The following FAM81B variants were observed in gnomAD, a reference collection of about 807,000 sequenced individuals.
FAM81B encodes family with sequence similarity 81 member B, also known as protein FAM81B.
A neutral mutation model predicts 58.7 loss-of-function variants in FAM81B; 60 were observed. The observed-to-expected ratio is 1.02, with a 90% CI of 0.83 to 1.27. The LOEUF (loss-of-function observed/expected upper bound fraction) is 1.27, where lower values mean the gene tolerates loss of function less well. Among genes scored for constraint, FAM81B ranks in the 50% most tolerant of loss-of-function variants. The pLI, the probability that FAM81B is intolerant of heterozygous loss-of-function variation, is 0.00. For synonymous variants in FAM81B, 189 were observed against 179.6 expected (o/e 1.05, Z -0.42); for missense variants, 491 against 522.0 (o/e 0.94, Z 0.58).
Position 95,437,584 on chromosome 5 carries a change from G to A in FAM81B, c.893+678G>A, listed in dbSNP as rs996106587. 5.3e-5 allele frequency among the ~76,000 whole-genome samples: 8 copies of A among 152,164 alleles called. No homozygotes were observed. In the East Asian group the frequency reaches 5.8e-4, roughly 11 times the overall value. On this transcript the variant is annotated intron_variant, in intron 7 of 9. Transcript: ENST00000283357. ...ACTCCTGACCTCAGGTGATCCGCCCGCCTCAGCCTCCCAAAGTGCTGGGAT... is the reference window on the plus strand; with the variant it reads ...ACTCCTGACCTCAGGTGATCCGCCCACCTCAGCCTCCCAAAGTGCTGGGAT...
At chr5:95,440,232 A>T in intron 7 of FAM81B, 1 of 685,178 alleles carries the variant, frequency 1.5e-6, no homozygotes, top group Non-Finnish European at 2.8e-6. Flanking sequence ...TCTAGCTGTG[A>T]GGCTTGAATA....
chr5:95,404,207 T>C (rs1762186415), intron 3 of FAM81B, among the ~76,000 whole-genome samples: 1 of 152,172 alleles, frequency 6.6e-6, no homozygotes, highest in African/African-American at 2.4e-5. Context: ...CAGCAGAGCC[T>C]GGCATCTTCT....
intron 5 of FAM81B, among the ~76,000 whole-genome samples, chr5:95,421,143 C>T (rs1286826118): frequency 6.6e-6 from 1 of 152,178 alleles, no homozygotes; most frequent in Non-Finnish European, 1.5e-5. Context: ...TTATGCCAGG[C>T]CGTGTAATGT....
At chr5:95,423,689 T>C (rs1490310694) in intron 5 of FAM81B, among the ~76,000 whole-genome samples, 2 of 152,092 alleles carry the variant, frequency 1.3e-5, no homozygotes, top group Non-Finnish European at 2.9e-5. Flanking sequence ...ATTCCACTCC[T>C]CTTACTTGAG....
chr5:95,414,968 C>T (rs189747274), intron 4 of FAM81B, among the ~76,000 whole-genome samples: 1 of 152,226 alleles, frequency 6.6e-6, no homozygotes, highest in Admixed American at 6.5e-5. Context: ...TTGTTTTCTT[C>T]ATGCTAAATC....
intron 3 of FAM81B, among the ~76,000 whole-genome samples, chr5:95,405,674 G>C (rs1045917807): frequency 6.6e-6 from 1 of 152,120 alleles, no homozygotes; most frequent in Non-Finnish European, 1.5e-5. Flanking sequence ...TCTGGCCTTT[G>C]AACTCATTTC....
intron 4 of FAM81B, among the ~76,000 whole-genome samples, chr5:95,419,094 C>T (rs924700204): frequency 6.6e-6 from 1 of 152,016 alleles, no homozygotes; most frequent in African/African-American, 2.4e-5. Context: ...ACTGTCTTTA[C>T]CAAAACAGAA....
chr5:95,393,496 T>C (rs1453146029), intron 2 of FAM81B, among the ~76,000 whole-genome samples: 1 of 152,124 alleles, frequency 6.6e-6, no homozygotes, highest in Non-Finnish European at 1.5e-5. Context: ...TTCTGTAAAA[T>C]GGGTGAATTA....
rs1034925114 is a variant in FAM81B at position 95,439,200 on chromosome 5, C to T, written c.893+2294C>T. On this transcript the variant is annotated intron_variant, in intron 7 of 9. Transcript: ENST00000283357. ...CCTTAGATATCCTTAAATACTGGCA[C>T]TTTTATTTCTATAGGCAAGCTTGCT... 4.4e-5 allele frequency among the ~76,000 whole-genome samples: 6 copies of T among 137,776 alleles called. No individual in the cohort carries two copies. The South Asian group carries it at 9.2e-4, about 21-fold the overall frequency. The allele number at this position is 137,776 out of a possible 152,430, so 90.4% of individuals were successfully genotyped here.
At chr5:95,438,149 C>T (rs1051860858) in intron 7 of FAM81B, among the ~76,000 whole-genome samples, 4 of 152,166 alleles carry the variant, frequency 2.6e-5, no homozygotes, top group South Asian at 2.1e-4. Context: ...AAACAATTGT[C>T]CTTACTAAAA....
In FAM81B at chr5:95,392,983, T is replaced by C. The variant is rs1182827018; in HGVS notation, c.228+86T>C. ...TAGAGTGCTTAGAGAGTTTAAGAAG[T>C]TCTGGAAGAATAGTTCTCCCACATT... On this transcript the variant is annotated intron_variant, in intron 2 of 9. Transcript: ENST00000283357. 4 of 1,190,072 alleles carry C rather than the reference T, an allele frequency of 3.4e-6. No homozygotes were observed. The African/African-American group carries it at 6.4e-5, about 19-fold the overall frequency. The allele number at this position is 1,190,072 out of a possible 1,614,324, so 73.7% of individuals were successfully genotyped here.
chr5:95,427,247 T>C (rs752958214), intron 5 of FAM81B, among the ~76,000 whole-genome samples: 1 of 152,116 alleles, frequency 6.6e-6, no homozygotes, highest in Non-Finnish European at 1.5e-5. Context: ...CTGAGCAGTC[T>C]TTGGGGGTCT....
rs17084669 is a variant in FAM81B at position 95,413,910 on chromosome 5, T to C, written c.294-37T>C. On this transcript the variant is annotated intron_variant, in intron 3 of 9. Transcript: ENST00000283357. Reference sequence around the variant, plus strand: ...TCCTGGCTCCTCCAGCTCATTCTTGTAATGCCCTGGTGTTTCCTTTTCCTT... The same window carrying C: ...TCCTGGCTCCTCCAGCTCATTCTTGCAATGCCCTGGTGTTTCCTTTTCCTT... The C allele has an allele frequency of 7.1e-3, 11,206 of 1,572,150 alleles. 700 individuals are homozygous for C. In the African/African-American group the frequency reaches 0.14, roughly 19 times the overall value.
chr5:95,436,761 T>G, intron 6 of FAM81B, 39 bp from the exon 7 acceptor site: 1 of 1,310,830 alleles, frequency 7.6e-7, no homozygotes, highest in Non-Finnish European at 1.1e-6. Context: ...ATGCTGGTGG[T>G]TTTGTTCATA....
At chr5:95,428,784 T>C (rs1762920563) in intron 6 of FAM81B, 52 bp downstream of exon 6, 1 of 1,604,428 alleles carries the variant, frequency 6.2e-7, no homozygotes, top group South Asian at 1.1e-5. Context: ...AGAAGTAAGA[T>C]CATTATAGCT....
intron 3 of FAM81B, among the ~76,000 whole-genome samples, chr5:95,401,868 C>T (rs906506380): frequency 5.9e-5 from 9 of 152,136 alleles, no homozygotes; most frequent in East Asian, 1.9e-4. Context: ...TAAGTCACAC[C>T]GAATTACAGA....
At chr5:95,441,341 C>T (rs1378210919) in intron 7 of FAM81B, among the ~76,000 whole-genome samples, 7 of 152,128 alleles carry the variant, frequency 4.6e-5, no homozygotes, top group African/African-American at 7.2e-5. Context: ...GAGGCCAAGG[C>T]GGGCAGATCA....
intron 4 of FAM81B, among the ~76,000 whole-genome samples, chr5:95,415,051 A>C (rs1762501491): frequency 1.3e-5 from 2 of 152,252 alleles, no homozygotes; most frequent in African/African-American, 4.8e-5. Context: ...TGAATGAATA[A>C]ATTAATTAAT....
At position 95,450,427 on chromosome 5, in the gene FAM81B, C is replaced by A; in HGVS notation, c.*145C>A. ...CGAATGTACCAGAAAAATAATAAAG[C>A]AAAGAAGCTTCGGATGTCTTGAATT... On this transcript the variant is annotated 3_prime_UTR_variant, in exon 10 of 10. Coordinates refer to ENST00000283357, the MANE Select transcript of FAM81B (RefSeq NM_152548.3). The A allele has an allele frequency of 1.5e-6, 2 of 1,371,904 alleles. No homozygotes were observed. Among genetic ancestry groups the A allele is most frequent in the Non-Finnish European group, 9.7e-7 (1 of 1,026,200 alleles). The allele number at this position is 1,371,904 out of a possible 1,614,324, so 85.0% of individuals were successfully genotyped here.
Sources: allele counts gnomAD v4.1 joint callset (sites outside exome capture counted in the v4.1 genomes callset), GRCh38; gene constraint gnomAD v4.1.1; transcripts MANE v1.5; gene names NCBI Gene and HGNC (gene_info 2026-07-23, HGNC 2026-07-21).